COL15A1: variants seen among roughly 807,000 people sequenced by gnomAD.
COL15A1 encodes the protein collagen alpha-1(XV) chain.
COL15A1 carries 111 observed loss-of-function variants against 165.9 expected under a neutral mutation model. The observed-to-expected ratio is 0.67, with a 90% CI of 0.57 to 0.78. COL15A1 has a LOEUF of 0.78. Among genes scored for constraint, COL15A1 ranks in the 30% least tolerant of loss-of-function variants. The probability of loss-of-function intolerance (pLI) is 0.00; values close to 1 mark genes in which losing one functional copy is unlikely to be tolerated. For synonymous variants in COL15A1, 659 were observed against 674.8 expected, an observed-to-expected ratio of 0.98 and a Z score of 0.36; for missense variants, 1,745 against 1,789.7, an observed-to-expected ratio of 0.98 and a Z score of 0.45.
intron 9 of COL15A1, among the ~76,000 whole-genome samples, chr9:99,011,285 T>G (rs1286181845): frequency 6.6e-6 from 1 of 152,072 alleles, no homozygotes; most frequent in African/African-American, 2.4e-5. Context: ...TAATTTCCCT[T>G]TAATTGTAGA....
At chr9:99,060,644 G>A (rs905604538) in intron 36 of COL15A1, among the ~76,000 whole-genome samples, 1 of 152,084 alleles carries the variant, frequency 6.6e-6, no homozygotes, top group African/African-American at 2.4e-5. Flanking sequence ...CCAGCACTTT[G>A]AGAGGCTGAA....
intron 23 of COL15A1, chr9:99,040,767 C>A: frequency 2.6e-6 from 2 of 778,926 alleles, no homozygotes; most frequent in Non-Finnish European, 4.0e-6. Flanking sequence ...AATCCATCTG[C>A]GTCAGCCTCC....
chr9:99,027,435 A>C (rs936253613), intron 16 of COL15A1, among the ~76,000 whole-genome samples: 1 of 152,184 alleles, frequency 6.6e-6, no homozygotes, highest in African/African-American at 2.4e-5. Context: ...TACAATTGTC[A>C]AGCTTTATAG....
intron 16 of COL15A1, among the ~76,000 whole-genome samples, chr9:99,026,566 A>G (rs1839128960): frequency 6.6e-6 from 1 of 152,216 alleles, no homozygotes; most frequent in African/African-American, 2.4e-5. Context: ...TCTGTAGTGC[A>G]TCCCCCAACT....
Position 99,069,984 on chromosome 9 carries a change from T to TG in COL15A1, c.*98_*99insG. ...TTTAATTGTTGTAAATATTACAGTT[T>TG]TTTTTTTTTACTACATATTCTTTAC... On this transcript the variant is annotated 3_prime_UTR_variant, in exon 42 of 42. Transcript: ENST00000375001. 1 of 1,006,688 alleles carries TG rather than the reference T, an allele frequency of 9.9e-7. No homozygotes were observed. Among genetic ancestry groups the TG allele is most frequent in the African/African-American group, 1.6e-5 (1 of 60,770 alleles). 62.4% of individuals were successfully genotyped at this position (1,006,688 alleles called of 1,614,324 possible).
At chr9:99,060,257 T>TATATATA (rs1491369678) in intron 36 of COL15A1, among the ~76,000 whole-genome samples, 11 of 126,676 alleles carry the variant, frequency 8.7e-5, no homozygotes, top group African/African-American at 3.1e-4. Context: ...TATATATATA[T>TATATATA]TTTTTTTTTG....
intron 22 of COL15A1, among the ~76,000 whole-genome samples, 181 bp from the exon 23 acceptor site, chr9:99,040,340 G>C (rs1000062996): frequency 6.6e-6 from 1 of 152,062 alleles, no homozygotes; most frequent in African/African-American, 2.4e-5. Flanking sequence ...TCCAGTCACT[G>C]TCCTCCCCTT....
In COL15A1 at chr9:98,985,836, C is replaced by A; in HGVS notation, c.372C>A (p.Leu124=). 6.2e-7 allele frequency: 1 copy of A among 1,613,972 alleles called. No homozygotes were observed. Among genetic ancestry groups the A allele is most frequent in the Non-Finnish European group, 8.5e-7 (1 of 1,180,046 alleles). The part of the protein sequence containing the change: ...FQKVIYLGLR[L]SGVEDGHQRI... ...AGGTCATCTACCTGGGCCTGCGGCT[C>A]TCAGGTGTGGAGGACGGCCACCAGC... Residue 124 remains leucine, a synonymous_variant, in exon 3 of 42, where the codon CTC becomes CTA. Coordinates refer to ENST00000375001, the MANE Select transcript of COL15A1 (RefSeq NM_001855.5).
chr9:98,950,081 A>G (rs1362980804), intron 2 of COL15A1, among the ~76,000 whole-genome samples: 1 of 152,038 alleles, frequency 6.6e-6, no homozygotes, highest in Non-Finnish European at 1.5e-5. Flanking sequence ...TTGTTTTTCC[A>G]TTCATTTGTT....
At chr9:98,994,690 A>T (rs1418760750) in intron 5 of COL15A1, among the ~76,000 whole-genome samples, 1 of 152,180 alleles carries the variant, frequency 6.6e-6, no homozygotes, top group Non-Finnish European at 1.5e-5. Context: ...TATGTGCAGA[A>T]TGAGTAAATC....
intron 5 of COL15A1, among the ~76,000 whole-genome samples, chr9:98,994,762 G>C (rs1048535987): frequency 6.6e-6 from 1 of 152,130 alleles, no homozygotes; most frequent in African/African-American, 2.4e-5. Flanking sequence ...CAAGTCTTCA[G>C]ACTTGAGGTT....
At chr9:98,962,021 A>G (rs1041220184) in intron 2 of COL15A1, among the ~76,000 whole-genome samples, 2 of 152,174 alleles carry the variant, frequency 1.3e-5, no homozygotes, top group Non-Finnish European at 2.9e-5. Flanking sequence ...GTTTCTAACA[A>G]TTGCTGTCTG....
intron 39 of COL15A1, among the ~76,000 whole-genome samples, chr9:99,066,189 T>TGA (rs10652996): frequency 0.41 from 61,899 of 151,270 alleles, 13,393 homozygotes; most frequent in East Asian, 0.66. Context: ...GCAGAAAGGC[T>TGA]GAGAGAGGGC....
intron 34 of COL15A1, 77 bp from the exon 35 acceptor site, chr9:99,056,183 T>C (rs554729468): frequency 5.8e-6 from 8 of 1,372,300 alleles, no homozygotes; most frequent in African/African-American, 5.7e-5. Context: ...CTTTTAAATA[T>C]TCTCATAAAA....
intron 5 of COL15A1, among the ~76,000 whole-genome samples, chr9:98,996,585 A>G (rs559240241): frequency 1.3e-5 from 2 of 152,158 alleles, no homozygotes; most frequent in Non-Finnish European, 2.9e-5. Context: ...TCATTTGTTC[A>G]CTAATTCATT....
rs1839272856 is a variant in COL15A1, at chr9:99,035,014, G to T, written c.2080G>T (p.Gly694Cys). The change falls in exon 18 of 42, where the codon GGT becomes TGT. Residue 694 changes from glycine (G) to cysteine (C), a missense_variant and splice_region_variant. Transcript: ENST00000375001. ...RGPNGSVGEK[G>C]DPGNRGLPGP... is the part of the protein sequence containing the mutation. Reference sequence around the variant, plus strand: ...AATCAGCCTGCCCTCTTTCCTACAGGGTGACCCTGGCAACAGAGGCTTACC... The same window carrying T: ...AATCAGCCTGCCCTCTTTCCTACAGTGTGACCCTGGCAACAGAGGCTTACC... 6.2e-7 allele frequency: 1 copy of T among 1,613,112 alleles called. No homozygotes were observed. Among genetic ancestry groups the T allele is most frequent in the East Asian group, 2.2e-5 (1 of 44,878 alleles).
At chr9:98,975,448 AGAG>A (rs1269520578) in intron 2 of COL15A1, among the ~76,000 whole-genome samples, 1 of 152,198 alleles carries the variant, frequency 6.6e-6, no homozygotes, top group East Asian at 1.9e-4. Flanking sequence ...CCTGTGGCAG[AGAG>A]GAGGAGGAGA....
At chr9:98,988,789 G>T (rs1638574296) in intron 4 of COL15A1, among the ~76,000 whole-genome samples, 1 of 151,988 alleles carries the variant, frequency 6.6e-6, no homozygotes, top group Non-Finnish European at 1.5e-5. Flanking sequence ...CCGGCGTGGT[G>T]GCGTGTGCTT....
intron 2 of COL15A1, among the ~76,000 whole-genome samples, chr9:98,961,361 T>A (rs1292576615): frequency 6.6e-6 from 1 of 152,214 alleles, no homozygotes; most frequent in Non-Finnish European, 1.5e-5. Flanking sequence ...ATGAGAGCTA[T>A]GAAAGCACAT....
Sources: allele counts gnomAD v4.1 joint callset (sites outside exome capture counted in the v4.1 genomes callset), GRCh38; gene constraint gnomAD v4.1.1; transcripts MANE v1.5; gene names NCBI Gene and HGNC (gene_info 2026-07-23, HGNC 2026-07-21).